Variants in AKT3 observed in about 807,000 individuals in gnomAD.
AKT3 encodes the protein AKT serine/threonine kinase 3, also known as RAC-gamma serine/threonine-protein kinase.
AKT3 carries 15 observed loss-of-function variants against 65.3 expected under a neutral mutation model. The observed-to-expected ratio is 0.23, with a 90% CI of 0.15 to 0.35. AKT3 has a LOEUF of 0.35. AKT3 is among the 10% of genes least tolerant of loss of function. The probability of loss-of-function intolerance (pLI) is 1.00; values close to 1 mark genes in which losing one functional copy is unlikely to be tolerated. For missense variants in AKT3, 243 were observed against 576.5 expected (o/e 0.42, Z 5.92); for synonymous variants, 206 against 183.8 (o/e 1.12, Z -0.98).
intron 8 of AKT3, among the ~76,000 whole-genome samples, chr1:243,580,835 T>C (rs539413900): frequency 5.3e-4 from 81 of 152,288 alleles, no homozygotes; most frequent in Admixed American, 1.5e-3. Flanking sequence ...ATTTGCCTAG[T>C]TGAGTAGCCT....
chr1:243,524,236 G>A (rs1462653678), intron 12 of AKT3, among the ~76,000 whole-genome samples: 1 of 152,234 alleles, frequency 6.6e-6, no homozygotes, highest in Non-Finnish European at 1.5e-5. Flanking sequence ...ATGACTTACA[G>A]AAAAGCACTA....
intron 2 of AKT3, among the ~76,000 whole-genome samples, chr1:243,829,688 T>C (rs1172305308): frequency 6.6e-6 from 1 of 151,910 alleles, no homozygotes; most frequent in Non-Finnish European, 1.5e-5. Context: ...TGGCAAAAAC[T>C]AGAAAGAGTA....
At chr1:243,803,515 CAT>C (rs1216597513) in intron 2 of AKT3, among the ~76,000 whole-genome samples, 1 of 152,058 alleles carries the variant, frequency 6.6e-6, no homozygotes, top group East Asian at 1.9e-4. Context: ...TTTATGAAAA[CAT>C]AAACTAAAAA....
chr1:243,755,120 G>A lies in AKT3; in HGVS notation c.47-59404C>T, dbSNP rs566917535. Among the ~76,000 whole-genome samples the A allele has an allele frequency of 5.6e-4, 86 of 152,242 alleles. 4 individuals are homozygous for A. In the South Asian group the frequency reaches 0.018, roughly 31 times the overall value. ...GTCTCGCTGTGTCCCCCAGGCTGGA[G>A]TGCAGTGGCACAATCTTGGCTCACT... is the stretch of plus-strand genomic sequence containing the variant. On this transcript the variant is annotated intron_variant, in intron 2 of 13. Transcript: ENST00000673466.
At chr1:243,731,779 A>G (rs1558762222) in intron 2 of AKT3, among the ~76,000 whole-genome samples, 1 of 152,210 alleles carries the variant, frequency 6.6e-6, no homozygotes, top group Non-Finnish European at 1.5e-5. Flanking sequence ...CTGTGCAACC[A>G]TGGACCAATG....
intron 2 of AKT3, among the ~76,000 whole-genome samples, chr1:243,799,457 C>T (rs370407076): frequency 2.0e-4 from 31 of 152,284 alleles, no homozygotes; most frequent in African/African-American, 5.1e-4. Context: ...ATTATAGTTA[C>T]AGTTGCTGAC....
intron 2 of AKT3, among the ~76,000 whole-genome samples, chr1:243,830,660 A>G (rs1415875972): frequency 1.3e-5 from 2 of 152,226 alleles, no homozygotes; most frequent in Non-Finnish European, 2.9e-5. Flanking sequence ...CATTAGAAAC[A>G]CAGTAGAAAA....
chr1:243,695,079 T>C (rs1684976595), intron 3 of AKT3, among the ~76,000 whole-genome samples: 1 of 151,964 alleles, frequency 6.6e-6, no homozygotes, highest in African/African-American at 2.4e-5. Context: ...TTCATGCAAA[T>C]ACAAAATTTC....
At chr1:243,507,128 G>A (rs1171018452) in intron 13 of AKT3, among the ~76,000 whole-genome samples, 5 of 152,244 alleles carry the variant, frequency 3.3e-5, no homozygotes, top group Admixed American at 2.6e-4. Flanking sequence ...CAGCAGTGGG[G>A]AGCCTGGTGC....
At chr1:243,518,383 C>G (rs1400715849) in intron 12 of AKT3, among the ~76,000 whole-genome samples, 1 of 152,106 alleles carries the variant, frequency 6.6e-6, no homozygotes, top group East Asian at 1.9e-4. Context: ...GCCTGTAATC[C>G]CAGCACTTTG....
intron 8 of AKT3, among the ~76,000 whole-genome samples, chr1:243,599,435 A>G (rs1676853788): frequency 6.6e-6 from 1 of 152,196 alleles, no homozygotes; most frequent in South Asian, 2.1e-4. Flanking sequence ...CAACTGCACA[A>G]AAGACAGAAG....
intron 4 of AKT3, among the ~76,000 whole-genome samples, chr1:243,653,613 A>G (rs1474061100): frequency 6.6e-6 from 1 of 152,208 alleles, no homozygotes; most frequent in African/African-American, 2.4e-5. Flanking sequence ...TACTAGGTAT[A>G]TCAAGGTGGT....
chr1:243,685,770 A>G (rs1031743079), intron 3 of AKT3, among the ~76,000 whole-genome samples: 1 of 152,152 alleles, frequency 6.6e-6, no homozygotes, highest in Non-Finnish European at 1.5e-5. Context: ...ATCAGGCAAG[A>G]TAAAGAAATA....
intron 2 of AKT3, among the ~76,000 whole-genome samples, chr1:243,815,077 T>C (rs1693420498): frequency 6.6e-6 from 1 of 152,202 alleles, no homozygotes; most frequent in African/African-American, 2.4e-5. Context: ...ATGAGGGTCC[T>C]AGATTGGATC....
At chr1:243,850,471 G>T (rs922672209), upstream of AKT3, among the ~76,000 whole-genome samples, 1 of 151,134 alleles carries the variant, frequency 6.6e-6, no homozygotes, top group African/African-American at 2.4e-5. Context: ...TCTGGGCCCC[G>T]GGGCGCGCCC....
chr1:243,555,632 C>T (rs1574600248), intron 10 of AKT3, among the ~76,000 whole-genome samples: 1 of 152,030 alleles, frequency 6.6e-6, no homozygotes, highest in East Asian at 1.9e-4. Context: ...TTTTTTCTAG[C>T]TAAAAGGCTA....
chr1:243,807,831 G>A (rs1031310313), intron 2 of AKT3, among the ~76,000 whole-genome samples: 11 of 152,118 alleles, frequency 7.2e-5, no homozygotes, highest in African/African-American at 2.2e-4. Flanking sequence ...CCTCTGAGAC[G>A]AAACTTCCAG....
Position 243,664,825 on chromosome 1 carries a change from G to A in AKT3, c.231C>T (p.Leu77=), listed in dbSNP as rs1163655353. 1.3e-6 allele frequency: 2 copies of A among 1,594,004 alleles called. No individual in the cohort carries two copies. The highest frequency in any genetic ancestry group is 1.8e-5 in the Admixed American group (1 of 56,678). Residue 77 remains leucine (L), a synonymous_variant, in exon 4 of 14, where the codon CTC becomes CTT. Transcript: ENST00000673466. The stretch of plus-strand genomic sequence containing the variant: ...TTCTCTCTATAACAGTAGTCCACTG[G>A]AGACATCTGATTATAAATGTGTTTG... ...PKPNTFIIRC[L]QWTTVIERTF...
At chr1:243,756,392 T>C (rs1017193031) in intron 2 of AKT3, among the ~76,000 whole-genome samples, 1 of 152,166 alleles carries the variant, frequency 6.6e-6, no homozygotes, top group Non-Finnish European at 1.5e-5. Flanking sequence ...ACCATCTTAC[T>C]GTGCCAGAGA....
Sources: allele counts gnomAD v4.1 joint callset (sites outside exome capture counted in the v4.1 genomes callset), GRCh38; gene constraint gnomAD v4.1.1; transcripts MANE v1.5; gene names NCBI Gene and HGNC (gene_info 2026-07-23, HGNC 2026-07-21).